The following PRRC2B variants were observed in gnomAD, a reference collection of about 807,000 sequenced individuals.
PRRC2B encodes protein PRRC2B.
Under a neutral mutation model 242.3 loss-of-function variants are expected in PRRC2B, and 68 were observed. The ratio of observed to expected loss-of-function variants is 0.28; its 90% confidence interval spans 0.23 to 0.34. The LOEUF is 0.34. Ranked by LOEUF, PRRC2B falls within the 10% of genes least tolerant of loss-of-function variation. The pLI, the probability that PRRC2B is intolerant of heterozygous loss-of-function variation, is 1.00. For missense variants in PRRC2B, 2,835 were observed against 2,954.8 expected (o/e 0.96, Z 0.94); for synonymous variants, 1,228 against 1,173.6 (o/e 1.05, Z -0.95).
Position 131,430,229 on chromosome 9 carries a change from G to T in PRRC2B, c.85G>T (p.Gly29Ter). 6.2e-7 allele frequency: 1 copy of T among 1,603,694 alleles called. No homozygotes were observed. Among genetic ancestry groups the T allele is most frequent in the Non-Finnish European group, 8.5e-7 (1 of 1,174,980 alleles). Residue 29 changes from glycine to a stop codon, truncating the protein, a stop_gained, in exon 2 of 32, where the codon GGA (glycine) becomes TGA (stop). Transcript: ENST00000683519. LOFTEE classifies it high-confidence loss of function. Reference protein sequence around the residue: ...STLSLFDKYKGKSVDAIRSSV... With the variant: ...STLSLFDKYK The stretch of plus-strand genomic sequence containing the variant: ...TCTCAGCCTGTTTGATAAGTATAAA[G>T]GAAAATCAGTAGACGCGATTAGATC...
chr9:131,432,773 A>G lies in PRRC2B; in HGVS notation c.272A>G (p.Gln91Arg). ...GACGGGACGGGATGGGCAAACAAGC[A>G]GGATCAGCAAGACCCAAAGAGGTAA... is the stretch of plus-strand genomic sequence containing the variant. Reference protein sequence around the residue: ...PKDGTGWANKQDQQDPKSSSA... With the variant: ...PKDGTGWANKRDQQDPKSSSA... The change falls in exon 3 of 32, where the codon CAG (glutamine) becomes CGG (arginine). Residue 91 changes from glutamine (Q) to arginine (R), a missense_variant. Gln to Arg is a conservative substitution (Grantham distance 43, BLOSUM62 1). Coordinates refer to ENST00000683519, the MANE Select transcript of PRRC2B (RefSeq NM_013318.4). The G allele has an allele frequency of 6.2e-7, 1 of 1,614,056 alleles. No homozygotes were observed. The highest frequency in any genetic ancestry group is 8.5e-7 in the Non-Finnish European group (1 of 1,179,896).
At chr9:131,404,767 A>G (rs773613179) in intron 1 of PRRC2B, among the ~76,000 whole-genome samples, 6 of 152,254 alleles carry the variant, frequency 3.9e-5, no homozygotes, top group Admixed American at 6.5e-5. Context: ...TAGCAACTGC[A>G]GAGAATATTT....
At chr9:131,483,736 A>G (rs939545292) in intron 23 of PRRC2B, among the ~76,000 whole-genome samples, 6 of 152,160 alleles carry the variant, frequency 3.9e-5, no homozygotes, top group African/African-American at 1.4e-4. Context: ...GCCAGGGGTA[A>G]GGGGCACAGA....
chr9:131,446,345 G>A lies in PRRC2B; in HGVS notation c.614-56G>A, dbSNP rs765201955. The A allele has an allele frequency of 8.7e-5, 139 of 1,595,062 alleles. 2 individuals are homozygous for A. In the South Asian group the frequency reaches 1.3e-3, roughly 15 times the overall value. On this transcript the variant is annotated intron_variant, in intron 6 of 31. Transcript: ENST00000683519. This position sits in a 1 kb window ranked among gnomAD's most constrained non-coding sequence, Gnocchi z 4.1. Reference sequence around the variant, plus strand: ...TCCCTTGACCTTCAGAACCTCATACGATCCCTCCTTCCCCCTCCTCTTCCC... The same window carrying A: ...TCCCTTGACCTTCAGAACCTCATACAATCCCTCCTTCCCCCTCCTCTTCCC...
At chr9:131,402,829 A>G (rs571322444) in intron 1 of PRRC2B, among the ~76,000 whole-genome samples, 3 of 152,356 alleles carry the variant, frequency 2.0e-5, no homozygotes, top group African/African-American at 2.4e-5. Flanking sequence ...CTTGTGGGTC[A>G]GCCTGCTTTC....
chr9:131,373,708 A>G (rs1474411860), exon 1 of PRRC2B: 1 of 152,248 alleles, frequency 6.6e-6, no homozygotes, highest in Non-Finnish European at 1.5e-5. Context: ...TGGGTGCTGA[A>G]GGCGGAGGCA....
chr9:131,390,684 A>G (rs1454337650), upstream of PRRC2B, among the ~76,000 whole-genome samples: 3 of 147,474 alleles, frequency 2.0e-5, no homozygotes, highest in African/African-American at 5.0e-5. Context: ...GGGTTTCACC[A>G]TGTTAGCCAG....
chr9:131,455,737 A>T (rs181119521), intron 10 of PRRC2B, among the ~76,000 whole-genome samples: 80 of 151,998 alleles, frequency 5.3e-4, no homozygotes, highest in African/African-American at 1.8e-3. Flanking sequence ...TTTGGTCTCA[A>T]ACTCCTGGGC....
chr9:131,422,094 T>C (rs1249748457), intron 1 of PRRC2B, among the ~76,000 whole-genome samples: 1 of 152,114 alleles, frequency 6.6e-6, no homozygotes, highest in African/African-American at 2.4e-5. Context: ...CTCACTCTGT[T>C]CCCAGGCTGG....
At chr9:131,373,722 C>G (rs1274551979) in exon 1 of PRRC2B, 1 of 152,294 alleles carries the variant, frequency 6.6e-6, no homozygotes, top group African/African-American at 2.4e-5. Context: ...GGAGGCAGCA[C>G]CCACGCCAGG....
intron 1 of PRRC2B, among the ~76,000 whole-genome samples, chr9:131,421,063 A>G (rs1486820983): frequency 1.3e-5 from 2 of 152,188 alleles, no homozygotes; most frequent in African/African-American, 4.8e-5. Context: ...GTCTGGGGCT[A>G]CTTCCATGCT....
intron 1 of PRRC2B, among the ~76,000 whole-genome samples, chr9:131,389,047 G>C (rs1015065697): frequency 1.3e-5 from 2 of 149,554 alleles, no homozygotes; most frequent in African/African-American, 4.9e-5. Context: ...TCACCATGTT[G>C]CCCAGGCTGG....
Position 131,470,941 on chromosome 9 carries a change from C to G in PRRC2B, c.2065C>G (p.Arg689Gly), listed in dbSNP as rs371967847. Residue 689 changes from arginine to glycine, a missense_variant, in exon 14 of 32, where the codon CGG becomes GGG. Arg to Gly is a moderately radical substitution (Grantham distance 125). Around this residue, in one of 7 missense-constraint regions of PRRC2B, gnomAD observed 1,536 missense variants for 1,483.1 expected, o/e 1.04. Coordinates refer to ENST00000683519, the MANE Select transcript of PRRC2B (RefSeq NM_013318.4). Reference protein sequence around the residue: ...SYMDPRITPTRTPVDFYPSAL... With the variant: ...SYMDPRITPTGTPVDFYPSAL... ...CATGGACCCACGTATCACGCCCACT[C>G]GGACCCCGGTGGACTTCTACCCCTC... 6.2e-7 allele frequency: 1 copy of G among 1,612,338 alleles called. No homozygotes were observed. The highest frequency in any genetic ancestry group is 8.5e-7 in the Non-Finnish European group (1 of 1,179,054).
intron 6 of PRRC2B, among the ~76,000 whole-genome samples, chr9:131,444,845 G>C (rs986132484): frequency 1.3e-5 from 2 of 152,322 alleles, no homozygotes; most frequent in Middle Eastern, 3.4e-3. Context: ...TCGGGCCAGG[G>C]AAGTGGCAGG....
At chr9:131,478,016 C>A in intron 17 of PRRC2B, 67 bp downstream of exon 17, 1 of 1,457,876 alleles carries the variant, frequency 6.9e-7, no homozygotes, top group Non-Finnish European at 9.5e-7. Flanking sequence ...AGTCCTCGGG[C>A]CTCCCGAGTT....
At chr9:131,479,682 C>T (rs1317546718) in intron 19 of PRRC2B, among the ~76,000 whole-genome samples, 1 of 152,222 alleles carries the variant, frequency 6.6e-6, no homozygotes, top group African/African-American at 2.4e-5. Context: ...TTAGATCACA[C>T]AGTAGTGGGA....
intron 5 of PRRC2B, among the ~76,000 whole-genome samples, chr9:131,440,812 G>A (rs889325151): frequency 6.6e-6 from 1 of 152,190 alleles, no homozygotes; most frequent in Non-Finnish European, 1.5e-5. Context: ...AACCATTTGT[G>A]TAAAAAATGG....
At chr9:131,434,462 C>T (rs905810477) in intron 3 of PRRC2B, among the ~76,000 whole-genome samples, 6 of 152,078 alleles carry the variant, frequency 3.9e-5, no homozygotes, top group Admixed American at 3.9e-4. Context: ...TTCTCTGCTG[C>T]CCCAGGCCAC....
At position 131,447,773 on chromosome 9, in the gene PRRC2B, T is replaced by C; in HGVS notation, c.1089T>C (p.Asp363=). The C allele has an allele frequency of 6.2e-7, 1 of 1,613,482 alleles. No individual in the cohort carries two copies. Among genetic ancestry groups the C allele is most frequent in the East Asian group, 2.2e-5 (1 of 44,864 alleles). The change falls in exon 9 of 32, where the codon GAT becomes GAC. Residue 363 remains aspartate (D), a synonymous_variant. Coordinates refer to ENST00000683519, the MANE Select transcript of PRRC2B (RefSeq NM_013318.4). The part of the protein sequence containing the change: ...INAENLKGLD[D]LDADADDGWA... ...CGGAAAACCTGAAGGGCCTTGACGA[T>C]CTGGACGCCGATGCCGATGATGGCT...
Sources: gnomAD v4.1 joint callset for allele counts (sites outside exome capture counted in the v4.1 genomes callset) on GRCh38, gnomAD v4.1.1 for gene constraint, gnomAD v4.1.1 regional missense constraint, Gnocchi (gnomAD v3.1) non-coding constraint, MANE v1.5 for transcripts, NCBI Gene and HGNC (gene_info 2026-07-23, HGNC 2026-07-21) for gene names.